HBS1L: variants seen among roughly 807,000 people sequenced by gnomAD.
HBS1L encodes HBS1 like translational GTPase, also known as HBS1-like protein.
In HBS1L, 55 loss-of-function variants were observed where a neutral mutation model predicts 88.9. The observed-to-expected ratio is 0.62, with a 90% CI of 0.50 to 0.77. HBS1L has a LOEUF of 0.77. HBS1L is among the 30% of genes least tolerant of loss of function. The pLI, the probability that HBS1L is intolerant of heterozygous loss-of-function variation, is 0.00. For synonymous variants in HBS1L, 267 were observed against 288.5 expected, an observed-to-expected ratio of 0.93 and a Z score of 0.76; for missense variants, 741 against 829.3, an observed-to-expected ratio of 0.89 and a Z score of 1.31.
chr6:135,027,725 A>C (rs1414382482), intron 4 of HBS1L, among the ~76,000 whole-genome samples: 9 of 152,118 alleles, frequency 5.9e-5, no homozygotes, highest in Non-Finnish European at 1.3e-4. Context: ...ATGAGTGTTT[A>C]TTATATTATT....
intron 2 of HBS1L, among the ~76,000 whole-genome samples, chr6:135,049,373 T>C (rs1390313925): frequency 6.6e-6 from 1 of 152,040 alleles, no homozygotes; most frequent in African/African-American, 2.4e-5. Flanking sequence ...CACCTCCTAA[T>C]ACCATCACCT....
intron 4 of HBS1L, among the ~76,000 whole-genome samples, chr6:135,010,938 G>A (rs1775756564): frequency 6.6e-6 from 1 of 152,002 alleles, no homozygotes; most frequent in African/African-American, 2.4e-5. Flanking sequence ...GGAATTAACA[G>A]GAATTAAGTA....
In HBS1L at chr6:135,014,738, C is replaced by T. The variant is rs774630963; in HGVS notation, c.431-11896G>A. 5.3e-5 allele frequency among the ~76,000 whole-genome samples: 8 copies of T among 150,694 alleles called. No individual in the cohort carries two copies. The South Asian group carries it at 8.5e-4, about 16-fold the overall frequency. On this transcript the variant is annotated intron_variant, in intron 4 of 17. Transcript: ENST00000367837. Reference sequence around the variant, plus strand: ...TCCTTTAAGACATACAGATAGAGGCCGGCTACAGTGGCTCATGCCTGTAAT... The same window carrying T: ...TCCTTTAAGACATACAGATAGAGGCTGGCTACAGTGGCTCATGCCTGTAAT...
rs115509822 is a variant in HBS1L at position 134,994,249 on chromosome 6, A to G, written c.966-374T>C. Among the ~76,000 whole-genome samples, 518 of 152,192 alleles carry G rather than the reference A, an allele frequency of 3.4e-3. 1 individual carries two copies. Among genetic ancestry groups the G allele is most frequent in the African/African-American group, 0.012 (498 of 41,532 alleles). On this transcript the variant is annotated intron_variant, in intron 7 of 17. Transcript: ENST00000367837. ...TGCAAAATTACCACGACCGAGAGGT[A>G]ATTTTCTTCACGTTCTACACTTATG... is the stretch of plus-strand genomic sequence containing the variant.
chr6:135,036,513 A>G, intron 4 of HBS1L: 1 of 1,405,992 alleles, frequency 7.1e-7, no homozygotes, highest in Non-Finnish European at 9.3e-7. Context: ...GACTTTAATT[A>G]AAAATAAAAA....
In HBS1L at chr6:134,965,117, G is replaced by C. The variant is rs748146499; in HGVS notation, c.*162C>G. 1.2e-4 allele frequency: 77 copies of C among 662,552 alleles called. No homozygotes were observed. Among genetic ancestry groups the C allele is most frequent in the Non-Finnish European group, 1.8e-4 (67 of 379,226 alleles). The allele number at this position is 662,552 out of a possible 1,614,324, so 41.0% of individuals were successfully genotyped here. On this transcript the variant is annotated 3_prime_UTR_variant, in exon 18 of 18. Transcript: ENST00000367837. ...TTGGCAACTTAGAATTTTTGCAGAG[G>C]TGATTATTAATACTTCTTTGCAGCT...
At chr6:135,042,548 C>T (rs139236152) in intron 2 of HBS1L, among the ~76,000 whole-genome samples, 258 of 152,242 alleles carry the variant, frequency 1.7e-3, no homozygotes, top group Middle Eastern at 6.8e-3. Flanking sequence ...GTGGCTCACC[C>T]CTGCAATCCC....
chr6:135,054,760 G>A lies in HBS1L; in HGVS notation c.-69C>T, dbSNP rs1458694636. The A allele has an allele frequency of 6.3e-6, 10 of 1,578,894 alleles. No individual in the cohort carries two copies. In the East Asian group the frequency reaches 9.1e-5, roughly 14 times the overall value. On this transcript the variant is annotated 5_prime_UTR_variant, in exon 1 of 18. Coordinates refer to ENST00000367837, the MANE Select transcript of HBS1L (RefSeq NM_006620.4). ...AAACACTCCGCTTAGATACTGATAA[G>A]GCGCCAACTGCAGCCTGGAGAACCC...
At chr6:134,981,232 G>A (rs1038919563) in intron 13 of HBS1L, among the ~76,000 whole-genome samples, 4 of 151,816 alleles carry the variant, frequency 2.6e-5, no homozygotes, top group African/African-American at 4.8e-5. Flanking sequence ...CAAAAAAATC[G>A]TGTTTCAAAA....
chr6:134,989,588 T>C (rs946024688), intron 8 of HBS1L, among the ~76,000 whole-genome samples: 1 of 152,230 alleles, frequency 6.6e-6, no homozygotes, highest in East Asian at 1.9e-4. Context: ...TAAATGGTCA[T>C]AAAATATGTC....
Position 134,995,369 on chromosome 6 carries a change from C to T in HBS1L, c.965+1408G>A, listed in dbSNP as rs370171376. On this transcript the variant is annotated intron_variant, in intron 7 of 17. Transcript: ENST00000367837. ...GGTGAGCTAAAACTCCCATCATGTA[C>T]CTGGAAGCATCTGCTATCTATGGAA... Among the ~76,000 whole-genome samples, 6 of 152,008 alleles carry T rather than the reference C, an allele frequency of 3.9e-5. No homozygotes were observed. The East Asian group carries it at 5.8e-4, about 15-fold the overall frequency.
intron 1 of HBS1L, among the ~76,000 whole-genome samples, chr6:135,051,134 G>A (rs962500939): frequency 2.0e-5 from 3 of 151,988 alleles, no homozygotes; most frequent in South Asian, 2.1e-4. Flanking sequence ...GCTGAGGCAG[G>A]AGAATCACTT....
Position 134,997,602 on chromosome 6 carries a change from G to T in HBS1L, c.594C>A (p.Pro198=), listed in dbSNP as rs1191864925. Residue 198 remains proline, a synonymous_variant, in exon 6 of 18, where the codon CCC becomes CCA. Coordinates refer to ENST00000367837, the MANE Select transcript of HBS1L (RefSeq NM_006620.4). ...HSFHTPQKGP[P]IEDAIASSDV... ...CGGAAGAAGCAATGGCATCTTCAAT[G>T]GGCGGTCCTTTTTGAGGTGTGTGGA... The T allele has an allele frequency of 6.2e-7, 1 of 1,613,768 alleles. No individual in the cohort carries two copies. The highest frequency in any genetic ancestry group is 8.5e-7 in the Non-Finnish European group (1 of 1,179,752).
chr6:135,001,777 A>G (rs1775465901), intron 5 of HBS1L, among the ~76,000 whole-genome samples: 1 of 152,140 alleles, frequency 6.6e-6, no homozygotes, highest in South Asian at 2.1e-4. Context: ...TCTAGTGAAT[A>G]AAGTCTTGTT....
intron 4 of HBS1L, among the ~76,000 whole-genome samples, chr6:135,031,307 G>T (rs1301782735): frequency 6.6e-6 from 1 of 151,992 alleles, no homozygotes; most frequent in African/African-American, 2.4e-5. Flanking sequence ...GAGGCTCACA[G>T]GAACCTACCT....
intron 4 of HBS1L, among the ~76,000 whole-genome samples, chr6:135,033,282 C>T (rs1485214123): frequency 1.3e-5 from 2 of 152,122 alleles, no homozygotes; most frequent in Non-Finnish European, 2.9e-5. Context: ...CGTAGCATAC[C>T]TGAGCTACTA....
chr6:135,054,538 T>C, intron 1 of HBS1L, 111 bp downstream of exon 1: 3 of 1,286,788 alleles, frequency 2.3e-6, no homozygotes, highest in Non-Finnish European at 3.3e-6. Flanking sequence ...GCTCTCCCAA[T>C]CCCGACAGGG....
intron 5 of HBS1L, among the ~76,000 whole-genome samples, chr6:134,999,269 G>C (rs1422552868): frequency 1.3e-5 from 2 of 151,960 alleles, no homozygotes; most frequent in Non-Finnish European, 2.9e-5. Context: ...GAGTGGGCAG[G>C]GGCTTGAAGC....
At chr6:135,034,901 A>G (rs1439982573) in intron 4 of HBS1L, among the ~76,000 whole-genome samples, 1 of 152,212 alleles carries the variant, frequency 6.6e-6, no homozygotes, top group African/African-American at 2.4e-5. Context: ...TAATTTTGAA[A>G]ATACACATTC....
Sources: gnomAD v4.1 joint callset for allele counts (sites outside exome capture counted in the v4.1 genomes callset) on GRCh38, gnomAD v4.1.1 for gene constraint, MANE v1.5 for transcripts, NCBI Gene and HGNC (gene_info 2026-07-23, HGNC 2026-07-21) for gene names.